Variants in GABRB1 observed in about 807,000 individuals in gnomAD.
GABRB1 encodes gamma-aminobutyric acid type A receptor subunit beta1, also known as gamma-aminobutyric acid receptor subunit beta-1.
GABRB1 carries 17 observed loss-of-function variants against 51.6 expected under a neutral mutation model. The observed-to-expected ratio is 0.33, with a 90% confidence interval of 0.23 to 0.49. The LOEUF is 0.49. Among genes scored for constraint, GABRB1 ranks in the 20% least tolerant of loss-of-function variants. GABRB1 has a pLI of 0.99. For missense variants in GABRB1, 410 were observed against 600.6 expected (o/e 0.68, Z 3.32); for synonymous variants, 247 against 218.9 (o/e 1.13, Z -1.14).
At chr4:47,271,711 G>A (rs1028386809) in intron 4 of GABRB1, among the ~76,000 whole-genome samples, 4 of 152,042 alleles carry the variant, frequency 2.6e-5, no homozygotes, top group East Asian at 1.9e-4. Context: ...CATCAGTAAC[G>A]TTTCAGGAGT....
intron 3 of GABRB1, among the ~76,000 whole-genome samples, chr4:47,115,780 T>A (rs1247240162): frequency 6.6e-6 from 1 of 152,162 alleles, no homozygotes; most frequent in Admixed American, 6.5e-5. Context: ...CAGTTAACAG[T>A]AATTAGGAAT....
chr4:47,227,768 G>A (rs1437326904), intron 4 of GABRB1, among the ~76,000 whole-genome samples: 1 of 152,120 alleles, frequency 6.6e-6, no homozygotes, highest in Non-Finnish European at 1.5e-5. Context: ...CACAGTTCTG[G>A]AGGCTAGAAT....
chr4:47,146,393 G>A (rs908033075), intron 3 of GABRB1, among the ~76,000 whole-genome samples: 9 of 151,820 alleles, frequency 5.9e-5, no homozygotes, highest in Non-Finnish European at 1.2e-4. Context: ...TCAGGCTTAA[G>A]TTCCCTTTGT....
intron 3 of GABRB1, among the ~76,000 whole-genome samples, chr4:47,111,002 G>A (rs536034384): frequency 2.6e-5 from 4 of 152,244 alleles, no homozygotes; most frequent in African/African-American, 7.2e-5. Flanking sequence ...TATAACATAA[G>A]GCAGGGATTT....
chr4:47,300,179 A>G (rs1724202149), intron 4 of GABRB1, among the ~76,000 whole-genome samples: 1 of 152,092 alleles, frequency 6.6e-6, no homozygotes, highest in Non-Finnish European at 1.5e-5. Flanking sequence ...AGCACAGCAC[A>G]TGTATACATA....
At chr4:47,009,008 C>T (rs1008708175) in intron 1 of GABRB1, among the ~76,000 whole-genome samples, 7 of 148,292 alleles carry the variant, frequency 4.7e-5, no homozygotes, top group Non-Finnish European at 7.5e-5. Flanking sequence ...GGACTACAGG[C>T]GCCCACCACC....
At chr4:47,087,169 A>G (rs1003113269) in intron 3 of GABRB1, among the ~76,000 whole-genome samples, 1 of 152,186 alleles carries the variant, frequency 6.6e-6, no homozygotes, top group Admixed American at 6.5e-5. Context: ...TAATTAAATC[A>G]GGCTGTTACT....
chr4:47,295,177 T>C (rs1258787402), intron 4 of GABRB1, among the ~76,000 whole-genome samples: 1 of 152,048 alleles, frequency 6.6e-6, no homozygotes, highest in Non-Finnish European at 1.5e-5. Context: ...GCAGAAAAAC[T>C]GGAAACTCTA....
intron 8 of GABRB1, among the ~76,000 whole-genome samples, chr4:47,410,836 G>T (rs970774328): frequency 1.3e-5 from 2 of 152,148 alleles, no homozygotes; most frequent in Admixed American, 1.3e-4. Flanking sequence ...ATCTCAAGAG[G>T]CTTATACCTT....
chr4:47,293,224 C>T lies in GABRB1; in HGVS notation c.462-26903C>T, dbSNP rs144259540. ...TGGTGCAATCTCATCTCACCACAAC[C>T]TCCGCCTCCCGGGTTCAAGTGATTC... is the stretch of plus-strand genomic sequence containing the variant. On this transcript the variant is annotated intron_variant, in intron 4 of 8. Transcript: ENST00000295454. Among the ~76,000 whole-genome samples, 1,134 of 152,272 alleles carry T rather than the reference C, an allele frequency of 7.4e-3. 14 individuals carry two copies. Among genetic ancestry groups the T allele is most frequent in the Middle Eastern group, 0.044 (13 of 294 alleles).
chr4:47,315,608 T>G (rs1724854896), intron 4 of GABRB1, among the ~76,000 whole-genome samples: 1 of 151,932 alleles, frequency 6.6e-6, no homozygotes, highest in African/African-American at 2.4e-5. Flanking sequence ...TTATTCACAA[T>G]AGCAAGGGCA....
intron 4 of GABRB1, among the ~76,000 whole-genome samples, chr4:47,203,141 A>C (rs192818177): frequency 6.6e-6 from 1 of 152,334 alleles, no homozygotes; most frequent in East Asian, 1.9e-4. Context: ...AACTTAAGAA[A>C]GTGTCAAAGA....
chr4:47,350,608 ATAT>A (rs1240592542), intron 5 of GABRB1, among the ~76,000 whole-genome samples: 1 of 152,114 alleles, frequency 6.6e-6, no homozygotes, highest in Non-Finnish European at 1.5e-5. Flanking sequence ...TAATTATATA[ATAT>A]TATATCAAGA....
At chr4:47,266,510 G>A (rs986324848) in intron 4 of GABRB1, among the ~76,000 whole-genome samples, 15 of 152,138 alleles carry the variant, frequency 9.9e-5, no homozygotes, top group African/African-American at 2.2e-4. Flanking sequence ...TTACAATTTA[G>A]TTTCTGTCTT....
At chr4:47,303,766 A>G (rs1724349317) in intron 4 of GABRB1, among the ~76,000 whole-genome samples, 1 of 151,922 alleles carries the variant, frequency 6.6e-6, no homozygotes, top group African/African-American at 2.4e-5. Flanking sequence ...TCTTTTAGCA[A>G]TTTTCAAGAA....
intron 1 of GABRB1, among the ~76,000 whole-genome samples, chr4:46,999,627 G>T (rs1164580548): frequency 6.6e-6 from 1 of 152,102 alleles, no homozygotes; most frequent in East Asian, 1.9e-4. Flanking sequence ...GCAAAACAAA[G>T]AAATCATTCT....
chr4:47,006,328 T>G (rs1461454471), intron 1 of GABRB1, among the ~76,000 whole-genome samples: 1 of 152,082 alleles, frequency 6.6e-6, no homozygotes, highest in African/African-American at 2.4e-5. Context: ...AAAATAATAC[T>G]ATACATATAT....
At chr4:47,330,813 T>G (rs1035964062) in intron 5 of GABRB1, among the ~76,000 whole-genome samples, 6 of 152,038 alleles carry the variant, frequency 3.9e-5, no homozygotes, top group African/African-American at 1.4e-4. Context: ...GAAATTAGAA[T>G]ATAGAAAAAA....
At chr4:47,123,077 A>G (rs531993179) in intron 3 of GABRB1, among the ~76,000 whole-genome samples, 3 of 152,008 alleles carry the variant, frequency 2.0e-5, no homozygotes, top group African/African-American at 4.8e-5. Context: ...TGTACAACTC[A>G]TTTTCTCTTG....
Sources: allele counts gnomAD v4.1 joint callset (sites outside exome capture counted in the v4.1 genomes callset), GRCh38; gene constraint gnomAD v4.1.1; transcripts MANE v1.5; gene names NCBI Gene and HGNC (gene_info 2026-07-23, HGNC 2026-07-21).